The following DCDC1 variants were observed in gnomAD, a reference collection of about 807,000 sequenced individuals.
DCDC1 encodes doublecortin domain-containing protein 1.
In DCDC1, 200 loss-of-function variants were observed where a neutral mutation model predicts 178.3. The observed-to-expected ratio is 1.12, with a 90% CI of 1.00 to 1.26. The LOEUF (loss-of-function observed/expected upper bound fraction) is 1.26, where lower values mean the gene tolerates loss of function less well. Ranked by LOEUF, DCDC1 falls within the 50% of genes most tolerant of loss-of-function variation. The pLI, the probability that DCDC1 is intolerant of heterozygous loss-of-function variation, is 0.00. For synonymous variants in DCDC1, 690 were observed against 604.8 expected, an observed-to-expected ratio of 1.14 and a Z score of -2.07; for missense variants, 1,983 against 1,749.2, an observed-to-expected ratio of 1.13 and a Z score of -2.38.
chr11:30,934,910 C>T (rs963372236), intron 21 of DCDC1, among the ~76,000 whole-genome samples: 1 of 152,140 alleles, frequency 6.6e-6, no homozygotes, highest in Admixed American at 6.5e-5. Context: ...CTTTTAGGGT[C>T]ATTGTTTGGT....
chr11:31,131,699 C>T (rs531222236), intron 10 of DCDC1, among the ~76,000 whole-genome samples: 7 of 152,308 alleles, frequency 4.6e-5, no homozygotes, highest in Non-Finnish European at 1.0e-4. Context: ...TCTCTGAACC[C>T]ATCTCCAGCA....
chr11:31,212,535 T>A (rs1412789428), intron 9 of DCDC1, among the ~76,000 whole-genome samples: 1 of 152,130 alleles, frequency 6.6e-6, no homozygotes, highest in African/African-American at 2.4e-5. Context: ...GGGTGAATTA[T>A]TAAAAAAATA....
intron 20 of DCDC1, among the ~76,000 whole-genome samples, chr11:31,001,994 T>C (rs1431576570): frequency 6.6e-6 from 1 of 152,176 alleles, no homozygotes; most frequent in Non-Finnish European, 1.5e-5. Flanking sequence ...CGTGTCAAAA[T>C]AGAAAATTAA....
chr11:31,221,483 T>G lies in DCDC1; in HGVS notation c.1221+19967A>C, dbSNP rs1974256311. 2.0e-5 allele frequency among the ~76,000 whole-genome samples: 3 copies of G among 152,232 alleles called. No individual in the cohort carries two copies. The South Asian group carries it at 6.2e-4, about 31-fold the overall frequency. On this transcript the variant is annotated intron_variant, in intron 9 of 38. Coordinates refer to ENST00000684477, the MANE Select transcript of DCDC1 (RefSeq NM_001387274.1). ...TCAATACTCTGCCTTCCAGGCCCAC[T>G]GGGGTGGTAGTGACCTTCCCCTTTT...
chr11:31,191,275 C>T (rs1434377606), intron 9 of DCDC1, among the ~76,000 whole-genome samples: 1 of 151,892 alleles, frequency 6.6e-6, no homozygotes, highest in Admixed American at 6.6e-5. Flanking sequence ...ATACAGAAAG[C>T]CTACTATGTT....
At chr11:30,942,402 G>C (rs1280757768) in intron 21 of DCDC1, among the ~76,000 whole-genome samples, 1 of 152,084 alleles carries the variant, frequency 6.6e-6, no homozygotes, top group African/African-American at 2.4e-5. Context: ...GCAAGGGTTG[G>C]GTAGGTGAGA....
intron 9 of DCDC1, among the ~76,000 whole-genome samples, chr11:31,238,694 C>T (rs1448057805): frequency 1.3e-5 from 2 of 152,064 alleles, no homozygotes; most frequent in African/African-American, 2.4e-5. Flanking sequence ...CATAGGAATG[C>T]GTTTATGCAA....
chr11:31,139,624 C>T (rs1237742899), intron 9 of DCDC1, among the ~76,000 whole-genome samples: 2 of 152,148 alleles, frequency 1.3e-5, no homozygotes, highest in Non-Finnish European at 1.5e-5. Flanking sequence ...AAAAACAGAG[C>T]CATGAAACTC....
chr11:30,903,817 T>C (rs1944878259), intron 31 of DCDC1, 134 bp from the exon 32 acceptor site: 3 of 778,878 alleles, frequency 3.9e-6, no homozygotes, highest in African/African-American at 1.8e-5. Context: ...GAATTACTAA[T>C]GATGCTGATC....
At chr11:31,348,589 A>G (rs1950923221) in intron 1 of DCDC1, among the ~76,000 whole-genome samples, 1 of 152,154 alleles carries the variant, frequency 6.6e-6, no homozygotes, top group African/African-American at 2.4e-5. Flanking sequence ...ACCTCCACCA[A>G]TGCTGAAACG....
intron 20 of DCDC1, among the ~76,000 whole-genome samples, chr11:31,062,889 G>A (rs1490462431): frequency 1.3e-5 from 2 of 149,974 alleles, no homozygotes; most frequent in Non-Finnish European, 3.0e-5. Flanking sequence ...TTGGTGTGCT[G>A]CACCCATTAA....
chr11:31,262,529 C>A (rs1944866509), intron 8 of DCDC1: 1 of 151,996 alleles, frequency 6.6e-6, no homozygotes, highest in Admixed American at 6.6e-5. Context: ...CTAATCTGTG[C>A]TTATAAATAA....
intron 36 of DCDC1, among the ~76,000 whole-genome samples, chr11:30,884,051 G>A (rs28731085): frequency 2.2e-4 from 3 of 13,576 alleles, no homozygotes; most frequent in South Asian, 1.8e-3. Context: ...TTTTTTTTGA[G>A]ACAGGGTCTC....
At chr11:31,089,511 C>T (rs1957674504) in intron 17 of DCDC1, among the ~76,000 whole-genome samples, 1 of 151,992 alleles carries the variant, frequency 6.6e-6, no homozygotes, top group Non-Finnish European at 1.5e-5. Context: ...GACACTATTT[C>T]CTCCAATATT....
Position 31,064,576 on chromosome 11 carries a change from G to A in DCDC1, c.2484C>T (p.Pro828=). Residue 828 remains proline, a synonymous_variant, in exon 20 of 39, where the codon CCC becomes CCT. Transcript: ENST00000684477. The part of the protein sequence containing the change: ...SNLGLKQLPE[P]SDTHLMPEGS... The stretch of plus-strand genomic sequence containing the variant: ...CTTCTGGCATTAAATGGGTGTCTGA[G>A]GGTTCTGGCAGTTGCTTCAGACCAA... The A allele has an allele frequency of 1.3e-6, 1 of 765,950 alleles. No homozygotes were observed. Among genetic ancestry groups the A allele is most frequent in the Middle Eastern group, 2.3e-4 (1 of 4,436 alleles). The allele number at this position is 765,950 out of a possible 1,614,324, so 47.4% of individuals were successfully genotyped here. A position where few individuals can be genotyped will look rare whatever the true frequency, so the allele number is the denominator to read the frequency against.
intron 1 of DCDC1, among the ~76,000 whole-genome samples, chr11:31,339,718 T>C (rs1950449237): frequency 6.6e-6 from 1 of 152,204 alleles, no homozygotes; most frequent in African/African-American, 2.4e-5. Context: ...AGAACACATT[T>C]GTTCACAGCA....
chr11:31,140,561 C>T (rs974667232), intron 9 of DCDC1, among the ~76,000 whole-genome samples: 6 of 152,084 alleles, frequency 3.9e-5, no homozygotes, highest in Middle Eastern at 3.2e-3. Flanking sequence ...GGTTAAAGTT[C>T]GGTTCATTCA....
At chr11:31,264,388 A>G (rs1410079541) in intron 8 of DCDC1, among the ~76,000 whole-genome samples, 1 of 152,194 alleles carries the variant, frequency 6.6e-6, no homozygotes. Context: ...GGAAAGTACT[A>G]GGAAAACAAA....
intron 17 of DCDC1, among the ~76,000 whole-genome samples, chr11:31,082,991 A>G (rs564361617): frequency 1.2e-4 from 19 of 152,342 alleles, no homozygotes; most frequent in African/African-American, 4.6e-4. Flanking sequence ...TTTGATGTTG[A>G]CGTTTCTAAT....
Sources: allele counts gnomAD v4.1 joint callset (sites outside exome capture counted in the v4.1 genomes callset), GRCh38; gene constraint gnomAD v4.1.1; transcripts MANE v1.5; gene names NCBI Gene and HGNC (gene_info 2026-07-23, HGNC 2026-07-21).